Variants in GUCY1A2 observed in about 807,000 individuals in gnomAD.
GUCY1A2 encodes guanylate cyclase soluble subunit alpha-2.
A neutral mutation model predicts 63.5 loss-of-function variants in GUCY1A2; 27 were observed. That is an observed-to-expected ratio of 0.43 (90% CI 0.31 to 0.59). The LOEUF (loss-of-function observed/expected upper bound fraction) is 0.59. Among genes scored for constraint, GUCY1A2 ranks in the 20% least tolerant of loss-of-function variants. The pLI is 0.11. For synonymous variants in GUCY1A2, 364 were observed against 343.5 expected (o/e 1.06, Z -0.66); for missense variants, 768 against 913.3 (o/e 0.84, Z 2.05).
At chr11:106,743,270 A>AGGTACCTTCCC (rs1863729703) in intron 6 of GUCY1A2, among the ~76,000 whole-genome samples, 1 of 152,190 alleles carries the variant, frequency 6.6e-6, no homozygotes, top group African/African-American at 2.4e-5. Context: ...GCTACCAGAG[A>AGGTACCTTCCC]GGTACCTTCC....
chr11:106,934,626 G>A (rs916268346), intron 4 of GUCY1A2, among the ~76,000 whole-genome samples: 11 of 152,250 alleles, frequency 7.2e-5, no homozygotes, highest in East Asian at 1.9e-4. Flanking sequence ...GTTTCCCAGC[G>A]TTTGATTGTA....
At chr11:106,964,228 T>G (rs1861098027) in intron 3 of GUCY1A2, among the ~76,000 whole-genome samples, 1 of 152,258 alleles carries the variant, frequency 6.6e-6, no homozygotes. Context: ...ATAGTTGTAT[T>G]ATTTCCTAGT....
At chr11:106,991,271 T>G (rs568481353) in intron 1 of GUCY1A2, among the ~76,000 whole-genome samples, 1 of 152,298 alleles carries the variant, frequency 6.6e-6, no homozygotes, top group South Asian at 2.1e-4. Context: ...GCGCTGGGAT[T>G]ACAGGCGTGA....
chr11:106,933,153 T>C (rs1860627021), intron 4 of GUCY1A2, among the ~76,000 whole-genome samples: 1 of 151,814 alleles, frequency 6.6e-6, no homozygotes, highest in Non-Finnish European at 1.5e-5. Flanking sequence ...AAAAGCAAAG[T>C]AAATGAACAG....
chr11:106,828,213 G>A (rs1859001122), intron 4 of GUCY1A2, among the ~76,000 whole-genome samples: 1 of 151,972 alleles, frequency 6.6e-6, no homozygotes, highest in Non-Finnish European at 1.5e-5. Flanking sequence ...AGTCACATTT[G>A]TCTATTTTTG....
intron 1 of GUCY1A2, among the ~76,000 whole-genome samples, chr11:107,000,668 T>C (rs1658014876): frequency 6.6e-6 from 1 of 152,184 alleles, no homozygotes; most frequent in Non-Finnish European, 1.5e-5. Context: ...TACATAGATA[T>C]AAATAGATAA....
chr11:106,788,560 T>C (rs12222561), intron 5 of GUCY1A2, among the ~76,000 whole-genome samples: 31,069 of 152,168 alleles, frequency 0.2, 3,428 homozygotes, highest in East Asian at 0.41. Flanking sequence ...ATTTGATTTT[T>C]CTATATGATG....
rs1862319440 is a variant in GUCY1A2 at position 106,674,883 on chromosome 11, G to C, written c.*12666C>G. ...TGAAGGCCGAGCACATTATAACTGT[G>C]TGTTTTTATTAAGTGATTTTGGAAA... On this transcript the variant is annotated 3_prime_UTR_variant, in exon 8 of 8. Transcript: ENST00000526355. The C allele has an allele frequency of 9.2e-6, 2 of 217,580 alleles. No individual in the cohort carries two copies. Among genetic ancestry groups the C allele is most frequent in the African/African-American group, 4.5e-5 (2 of 44,396 alleles). The allele number at this position is 217,580 out of a possible 1,614,324, so 13.5% of individuals were successfully genotyped here.
intron 1 of GUCY1A2, among the ~76,000 whole-genome samples, chr11:106,995,138 T>C (rs773000654): frequency 4.6e-5 from 7 of 152,180 alleles, no homozygotes; most frequent in Non-Finnish European, 8.8e-5. Flanking sequence ...ACAGATGGCA[T>C]AGGGCTGATT....
intron 4 of GUCY1A2, among the ~76,000 whole-genome samples, chr11:106,873,160 G>A (rs558188333): frequency 7.3e-4 from 111 of 152,008 alleles, no homozygotes; most frequent in Admixed American, 1.1e-3. Context: ...TTCTTTATCC[G>A]GTCTATCATT....
intron 6 of GUCY1A2, among the ~76,000 whole-genome samples, chr11:106,732,240 G>C (rs911191136): frequency 2.6e-5 from 4 of 152,048 alleles, no homozygotes; most frequent in African/African-American, 7.2e-5. Context: ...ACAACCATCT[G>C]ATCTTTGACA....
chr11:106,816,438 T>C (rs1275801806), intron 4 of GUCY1A2, among the ~76,000 whole-genome samples: 1 of 151,744 alleles, frequency 6.6e-6, no homozygotes, highest in Non-Finnish European at 1.5e-5. Context: ...AAAATGGAAA[T>C]ACAGCATATT....
At chr11:106,885,083 C>G (rs1283559308) in intron 4 of GUCY1A2, among the ~76,000 whole-genome samples, 2 of 152,096 alleles carry the variant, frequency 1.3e-5, no homozygotes, top group Non-Finnish European at 2.9e-5. Context: ...TAAACTATGT[C>G]CTTTTGAGCA....
intron 6 of GUCY1A2, among the ~76,000 whole-genome samples, chr11:106,724,175 C>T (rs1262297674): frequency 1.3e-5 from 2 of 152,182 alleles, no homozygotes; most frequent in African/African-American, 4.8e-5. Flanking sequence ...ACACCAGGAA[C>T]CAGTAACACA....
chr11:106,805,403 G>T (rs1241927191), intron 5 of GUCY1A2, among the ~76,000 whole-genome samples: 1 of 152,014 alleles, frequency 6.6e-6, no homozygotes, highest in Non-Finnish European at 1.5e-5. Context: ...CCACCACCAT[G>T]CCTGGCTAAT....
chr11:106,859,855 A>G (rs921105667), intron 4 of GUCY1A2, among the ~76,000 whole-genome samples: 7 of 152,012 alleles, frequency 4.6e-5, no homozygotes, highest in African/African-American at 1.7e-4. Flanking sequence ...TAGGTTATAC[A>G]TAGCCTAGGT....
At chr11:106,893,461 G>A (rs1860002211) in intron 4 of GUCY1A2, among the ~76,000 whole-genome samples, 1 of 70,324 alleles carries the variant, frequency 1.4e-5, no homozygotes. Flanking sequence ...TCACACATAG[G>A]CCAAATATAT....
chr11:106,907,396 TC>T (rs1178918937), intron 4 of GUCY1A2, among the ~76,000 whole-genome samples: 1 of 148,926 alleles, frequency 6.7e-6, no homozygotes, highest in Non-Finnish European at 1.5e-5. Context: ...ACACAGCAAT[TC>T]TTTTTTTTAA....
intron 6 of GUCY1A2, among the ~76,000 whole-genome samples, chr11:106,717,226 G>C (rs1863231936): frequency 6.6e-6 from 1 of 152,168 alleles, no homozygotes; most frequent in Non-Finnish European, 1.5e-5. Context: ...CCTCTGTGAA[G>C]TTTTCATTCA....
Sources: allele counts gnomAD v4.1 joint callset (sites outside exome capture counted in the v4.1 genomes callset), GRCh38; gene constraint gnomAD v4.1.1; transcripts MANE v1.5; gene names NCBI Gene and HGNC (gene_info 2026-07-23, HGNC 2026-07-21).